BRD10: variants seen among roughly 807,000 people sequenced by gnomAD.
The protein encoded by BRD10 is uncharacterized bromodomain-containing protein 10.
At chr9:5,893,596 A>G in the BRD10 span, among the ~76,000 whole-genome samples, 4 of 152,152 alleles carry the variant, frequency 2.6e-5, no homozygotes, top group Non-Finnish European at 4.4e-5. Context: ...CAGCAAAAAC[A>G]TACTCTTTGA....
the BRD10 span, chr9:5,968,758 G>T: frequency 6.2e-7 from 1 of 1,613,738 alleles, no homozygotes; most frequent in Non-Finnish European, 8.5e-7. Context: ...GAAATTCTGG[G>T]GCCTGAAAGG....
chr9:5,898,434 C>T, the BRD10 span, among the ~76,000 whole-genome samples: 1 of 152,104 alleles, frequency 6.6e-6, no homozygotes, highest in African/African-American at 2.4e-5. Flanking sequence ...AGGACAGAGC[C>T]CTTGTAACTT....
chr9:5,968,373 C>T, the BRD10 span: 270 of 1,610,658 alleles, frequency 1.7e-4, 1 homozygote, highest in Admixed American at 2.8e-4. Flanking sequence ...GAAGCTTCAC[C>T]GTATTTTTCC....
the BRD10 span, among the ~76,000 whole-genome samples, chr9:5,964,224 C>A: frequency 1.4e-5 from 2 of 144,066 alleles, no homozygotes; most frequent in Non-Finnish European, 3.1e-5. Flanking sequence ...AAACAAACAA[C>A]CCCATCAAAA....
the BRD10 span, among the ~76,000 whole-genome samples, chr9:5,944,515 T>G: frequency 6.6e-6 from 1 of 152,078 alleles, no homozygotes; most frequent in Non-Finnish European, 1.5e-5. Context: ...AATTTTATGT[T>G]ACTAAGCAAT....
the BRD10 span, among the ~76,000 whole-genome samples, chr9:5,956,135 C>T: frequency 3.9e-5 from 6 of 152,056 alleles, no homozygotes; most frequent in African/African-American, 1.2e-4. Context: ...AAAAAAAAAG[C>T]GCCATTTGAT....
At chr9:5,924,451 ATTTATTTTTTTG>A in the BRD10 span, among the ~76,000 whole-genome samples, 5 of 151,906 alleles carry the variant, frequency 3.3e-5, no homozygotes, top group Admixed American at 2.6e-4. Flanking sequence ...GCTAATTTTT[ATTTATTTTTTTG>A]TTGAGATGGG....
the BRD10 span, among the ~76,000 whole-genome samples, chr9:5,880,367 C>G: frequency 1.3e-5 from 2 of 151,958 alleles, no homozygotes; most frequent in African/African-American, 4.8e-5. Context: ...CAAAAATTAG[C>G]CGGGCGTCAT....
chr9:5,912,802 G>A, the BRD10 span, among the ~76,000 whole-genome samples: 2 of 152,214 alleles, frequency 1.3e-5, no homozygotes, highest in African/African-American at 4.8e-5. Flanking sequence ...GCATGGCACT[G>A]CTTTGATCCC....
At chr9:5,923,228 G>C in the BRD10 span, 1 of 1,613,766 alleles carries the variant, frequency 6.2e-7, no homozygotes, top group Non-Finnish European at 8.5e-7. Context: ...CAGTGTCTTC[G>C]GTAAGTCTTT....
chr9:5,911,668 G>C, the BRD10 span, among the ~76,000 whole-genome samples: 1 of 151,702 alleles, frequency 6.6e-6, no homozygotes. Flanking sequence ...CCGAGTAACT[G>C]GGATTACAGG....
the BRD10 span, among the ~76,000 whole-genome samples, chr9:5,897,375 T>C: frequency 6.6e-6 from 1 of 152,186 alleles, no homozygotes; most frequent in East Asian, 1.9e-4. Context: ...AGACCTGGGT[T>C]AGATCCAGGT....
At chr9:5,881,277 C>T in the BRD10 span, among the ~76,000 whole-genome samples, 1 of 152,120 alleles carries the variant, frequency 6.6e-6, no homozygotes, top group South Asian at 2.1e-4. Flanking sequence ...TTATAAATGG[C>T]CTCTCTCTGT....
At chr9:5,975,534 A>G in the BRD10 span, among the ~76,000 whole-genome samples, 1 of 151,410 alleles carries the variant, frequency 6.6e-6, no homozygotes, top group East Asian at 1.9e-4. Context: ...AAACTTAAGT[A>G]GAGACATGAG....
At chr9:5,960,690 C>CT in the BRD10 span, among the ~76,000 whole-genome samples, 2 of 151,952 alleles carry the variant, frequency 1.3e-5, no homozygotes, top group Non-Finnish European at 2.9e-5. Flanking sequence ...CGTCTGTAAT[C>CT]TTTTTTGTGT....
the BRD10 span, among the ~76,000 whole-genome samples, chr9:5,937,291 C>T: frequency 6.6e-6 from 1 of 150,938 alleles, no homozygotes; most frequent in African/African-American, 2.4e-5. Context: ...AATCCCAGCA[C>T]TCTGGGAGGC....
At chr9:6,003,285 C>T in the BRD10 span, among the ~76,000 whole-genome samples, 16 of 152,268 alleles carry the variant, frequency 1.1e-4, no homozygotes, top group African/African-American at 3.6e-4. Context: ...CCATCTTCAG[C>T]CTACATGGCA....
the BRD10 span, among the ~76,000 whole-genome samples, chr9:5,912,276 C>G: frequency 6.6e-6 from 1 of 152,222 alleles, no homozygotes; most frequent in South Asian, 2.1e-4. Flanking sequence ...TTGGTGGAGT[C>G]TTTAGGTTTT....
At chr9:5,974,416 C>T in the BRD10 span, among the ~76,000 whole-genome samples, 1 of 152,066 alleles carries the variant, frequency 6.6e-6, no homozygotes, top group East Asian at 1.9e-4. Flanking sequence ...TTTGAACCAA[C>T]AACAAAAAAA....
Sources: allele counts gnomAD v4.1 joint callset (sites outside exome capture counted in the v4.1 genomes callset), GRCh38; gene constraint gnomAD v4.1.1; transcripts MANE v1.5; gene names NCBI Gene and HGNC (gene_info 2026-07-23, HGNC 2026-07-21).